Variants in RUNX2 observed in about 807,000 individuals in gnomAD.
RUNX2 encodes the protein runt-related transcription factor 2.
RUNX2 carries 10 observed loss-of-function variants against 51.7 expected under a neutral mutation model. The observed-to-expected ratio is 0.19, with a 90% CI of 0.12 to 0.33. RUNX2 has a LOEUF of 0.33. Among genes scored for constraint, RUNX2 ranks in the 10% least tolerant of loss-of-function variants. The pLI, the probability that RUNX2 is intolerant of heterozygous loss-of-function variation, is 1.00. For synonymous variants in RUNX2, 276 were observed against 273.6 expected, an observed-to-expected ratio of 1.01 and a Z score of -0.09; for missense variants, 562 against 691.3, an observed-to-expected ratio of 0.81 and a Z score of 2.10.
chr6:45,346,229 A>T (rs532740595), intron 2 of RUNX2, among the ~76,000 whole-genome samples: 75 of 152,276 alleles, frequency 4.9e-4, no homozygotes, highest in African/African-American at 1.7e-3. Flanking sequence ...ATATGTAAAT[A>T]TATATAATTC....
At chr6:45,491,807 G>C in intron 5 of RUNX2, 134 bp from the exon 6 acceptor site, 1 of 935,970 alleles carries the variant, frequency 1.1e-6, no homozygotes, top group Non-Finnish European at 1.7e-6. Flanking sequence ...GCATTATGTA[G>C]ACAAGTCATT....
chr6:45,438,236 C>T (rs192875017), intron 5 of RUNX2, among the ~76,000 whole-genome samples, 185 bp downstream of exon 5: 15 of 152,178 alleles, frequency 9.9e-5, no homozygotes, highest in South Asian at 2.1e-4. Flanking sequence ...AATAAAACTA[C>T]GGTTTTAACC....
At chr6:45,480,024 T>C (rs754631758) in intron 5 of RUNX2, among the ~76,000 whole-genome samples, 1 of 152,232 alleles carries the variant, frequency 6.6e-6, no homozygotes, top group Non-Finnish European at 1.5e-5. Context: ...AGTTCTGAAA[T>C]GAAGAGGTAG....
chr6:45,419,326 TC>T (rs59173610), intron 2 of RUNX2, among the ~76,000 whole-genome samples: 2 of 150,828 alleles, frequency 1.3e-5, no homozygotes, highest in Non-Finnish European at 2.9e-5. Flanking sequence ...CATAACTGCT[TC>T]CCCCCTTTGC....
intron 2 of RUNX2, among the ~76,000 whole-genome samples, chr6:45,344,517 C>T (rs1790455818): frequency 6.6e-6 from 1 of 151,886 alleles, no homozygotes; most frequent in African/African-American, 2.4e-5. Flanking sequence ...GTACATTTTC[C>T]TTTGAACGTC....
intron 5 of RUNX2, among the ~76,000 whole-genome samples, chr6:45,486,432 T>C (rs1478152804): frequency 6.6e-6 from 1 of 152,244 alleles, no homozygotes; most frequent in Non-Finnish European, 1.5e-5. Flanking sequence ...TGCTTCCTTA[T>C]TGATGCTCTA....
At chr6:45,348,022 T>C (rs1377880575) in intron 2 of RUNX2, among the ~76,000 whole-genome samples, 2 of 152,028 alleles carry the variant, frequency 1.3e-5, no homozygotes, top group East Asian at 1.9e-4. Flanking sequence ...TATGTATGCA[T>C]GTGTACACAT....
At chr6:45,400,761 T>G (rs1023783555) in intron 2 of RUNX2, among the ~76,000 whole-genome samples, 3 of 152,202 alleles carry the variant, frequency 2.0e-5, no homozygotes, top group Non-Finnish European at 4.4e-5. Flanking sequence ...ACTCTCTGTG[T>G]GGTGAGCTTT....
In RUNX2 at chr6:45,431,945, G is replaced by A. The variant is rs104893995; in HGVS notation, c.506G>A (p.Arg169Gln). Residue 169 changes from arginine (R) to glutamine (Q), a missense_variant, in exon 4 of 9, where the codon CGG becomes CAG. Arg to Gln is a conservative substitution (Grantham distance 43). This residue lies in a region of RUNX2 where 67 missense variants were observed against 106.5 expected (regional missense o/e 0.63). Coordinates refer to ENST00000647337, the MANE Select transcript of RUNX2 (RefSeq NM_001024630.4). ...GATGAAAATTATTCTGCTGAGCTCC[G>A]GAATGCCTCTGCTGTTATGAAAAAC... The part of the protein sequence containing the change: ...GNDENYSAEL[R>Q]NASAVMKNQV... 1.9e-6 allele frequency: 3 copies of A among 1,614,070 alleles called. No individual in the cohort carries two copies. Among genetic ancestry groups the A allele is most frequent in the Admixed American group, 1.7e-5 (1 of 60,012 alleles).
intron 2 of RUNX2, among the ~76,000 whole-genome samples, chr6:45,401,038 T>A (rs1036430968): frequency 6.6e-6 from 1 of 152,220 alleles, no homozygotes; most frequent in Non-Finnish European, 1.5e-5. Context: ...CTTTCAGCTT[T>A]GCTATTTATT....
At chr6:45,438,118 C>T in intron 5 of RUNX2, 67 bp downstream of exon 5, 1 of 1,010,422 alleles carries the variant, frequency 9.9e-7, no homozygotes, top group Non-Finnish European at 1.6e-6. Flanking sequence ...GAATTTATTC[C>T]AAATGAGTTA....
chr6:45,521,701 C>T (rs889806105), intron 7 of RUNX2, among the ~76,000 whole-genome samples: 1 of 152,114 alleles, frequency 6.6e-6, no homozygotes, highest in Admixed American at 6.5e-5. Flanking sequence ...TTCCTGTATG[C>T]CCCACCTCTG....
chr6:45,393,467 A>T (rs1432172465), intron 2 of RUNX2, among the ~76,000 whole-genome samples: 1 of 151,930 alleles, frequency 6.6e-6, no homozygotes, highest in Non-Finnish European at 1.5e-5. Flanking sequence ...GTCTCGCTGC[A>T]TAGCCCAGGC....
chr6:45,437,864 C>T (rs905375922), intron 4 of RUNX2, 83 bp from the exon 5 acceptor site: 3 of 1,010,916 alleles, frequency 3.0e-6, no homozygotes, highest in Non-Finnish European at 4.7e-6. Context: ...TGCTTAAATG[C>T]AATTTGGAAA....
rs186799392 is a variant in RUNX2 at position 45,413,177 on chromosome 6, G to C, written c.59-9416G>C. 4.6e-5 allele frequency among the ~76,000 whole-genome samples: 7 copies of C among 152,308 alleles called. No individual in the cohort carries two copies. The East Asian group carries it at 1.3e-3, about 29-fold the overall frequency. On this transcript the variant is annotated intron_variant, in intron 2 of 8. Transcript: ENST00000647337. The stretch of plus-strand genomic sequence containing the variant: ...GAATGAAAGAAAATAAGCCCCAAGT[G>C]TAATGTGTTTGCAATGTATTTAAAT...
chr6:45,478,811 T>C (rs149589550), intron 5 of RUNX2, among the ~76,000 whole-genome samples: 3 of 152,334 alleles, frequency 2.0e-5, no homozygotes, highest in African/African-American at 7.2e-5. Flanking sequence ...CCATGTCTCC[T>C]TTCAGTCACA....
chr6:45,520,407 A>C lies in RUNX2; in HGVS notation c.1021+8000A>C, dbSNP rs115147510. On this transcript the variant is annotated intron_variant, in intron 7 of 8. Transcript: ENST00000647337. Reference sequence around the variant, plus strand: ...CATCTACTGTTTGGTGGTCATGCATACCAATTCAAATACGGAACATACCAA... The same window carrying C: ...CATCTACTGTTTGGTGGTCATGCATCCCAATTCAAATACGGAACATACCAA... Among the ~76,000 whole-genome samples, 1,354 of 152,288 alleles carry C rather than the reference A, an allele frequency of 8.9e-3. 12 individuals carry two copies. Among genetic ancestry groups the C allele is most frequent in the Non-Finnish European group, 0.013 (893 of 68,018 alleles).
At position 45,550,224 on chromosome 6, in the gene RUNX2, C is replaced by T. The variant is rs564322026; in HGVS notation, c.*2919C>T. 1 of 152,638 alleles carries T rather than the reference C, an allele frequency of 6.6e-6. No homozygotes were observed. Among genetic ancestry groups the T allele is most frequent in the South Asian group, 2.1e-4 (1 of 4,820 alleles). The allele number at this position is 152,638 out of a possible 1,614,324, so 9.5% of individuals were successfully genotyped here. ...ATTTCAGTTGTCTCACAAATTTTAA[C>T]CCATATCAGAGTTCCAGAACAGGTA... On this transcript the variant is annotated 3_prime_UTR_variant, in exon 9 of 9. Coordinates refer to ENST00000647337, the MANE Select transcript of RUNX2 (RefSeq NM_001024630.4).
At chr6:45,505,246 T>C (rs1377954891) in intron 6 of RUNX2, among the ~76,000 whole-genome samples, 2 of 152,170 alleles carry the variant, frequency 1.3e-5, no homozygotes, top group Non-Finnish European at 2.9e-5. Flanking sequence ...GTTTCCAGCA[T>C]ACCTTTGGGC....
Sources: gnomAD v4.1 joint callset for allele counts (sites outside exome capture counted in the v4.1 genomes callset) on GRCh38, gnomAD v4.1.1 for gene constraint, gnomAD v4.1.1 regional missense constraint, MANE v1.5 for transcripts, NCBI Gene and HGNC (gene_info 2026-07-23, HGNC 2026-07-21) for gene names.